Variants in BBX observed in about 807,000 individuals in gnomAD.
BBX encodes BBX high mobility group box domain containing.
A neutral mutation model predicts 100.2 loss-of-function variants in BBX; 30 were observed. The observed-to-expected ratio is 0.30, with a 90% CI of 0.22 to 0.41. The LOEUF is 0.41. BBX is among the 10% of genes least tolerant of loss of function. BBX has a pLI of 1.00. For synonymous variants in BBX, 376 were observed against 388.1 expected, an observed-to-expected ratio of 0.97 and a Z score of 0.37; for missense variants, 1,023 against 1,129.8, an observed-to-expected ratio of 0.91 and a Z score of 1.35.
rs557669822 is a variant in BBX, at chr3:107,538,792, C to CT, written c.-84+12405dup. On this transcript the variant is annotated intron_variant, in intron 2 of 17. Transcript: ENST00000325805. Reference sequence around the variant, plus strand: ...TAATCATTGTGTGAAGAGGAATCATCTTTTTTTTTTTAGGCAAGGTCTTAC... The same window carrying CT: ...TAATCATTGTGTGAAGAGGAATCATCTTTTTTTTTTTTAGGCAAGGTCTTAC... Among the ~76,000 whole-genome samples, 325 of 144,982 alleles carry CT rather than the reference C, an allele frequency of 2.2e-3. 4 individuals are homozygous for CT. Among genetic ancestry groups the CT allele is most frequent in the Admixed American group, 0.017 (239 of 14,428 alleles).
chr3:107,697,004 T>C (rs534323710), intron 3 of BBX, among the ~76,000 whole-genome samples: 21 of 152,050 alleles, frequency 1.4e-4, no homozygotes, highest in Admixed American at 4.6e-4. Context: ...TCCTGAGACT[T>C]CTGCATTCTT....
At chr3:107,721,500 C>G (rs1341515313) in intron 5 of BBX, among the ~76,000 whole-genome samples, 2 of 151,816 alleles carry the variant, frequency 1.3e-5, no homozygotes, top group Non-Finnish European at 2.9e-5. Context: ...AATTAGGGGC[C>G]CCACCACATT....
intron 8 of BBX, 47 bp downstream of exon 8, chr3:107,744,757 G>A: frequency 6.7e-7 from 1 of 1,484,046 alleles, no homozygotes; most frequent in Non-Finnish European, 9.4e-7. Flanking sequence ...ATTGTAAAGT[G>A]GGCTTAAATT....
intron 2 of BBX, among the ~76,000 whole-genome samples, chr3:107,591,477 ATATTT>A (rs2053307221): frequency 6.6e-6 from 1 of 151,890 alleles, no homozygotes; most frequent in Non-Finnish European, 1.5e-5. Context: ...AAAGGGGGAG[ATATTT>A]TATGTTGTGT....
intron 3 of BBX, among the ~76,000 whole-genome samples, chr3:107,666,440 AT>A (rs2058745814): frequency 6.6e-6 from 1 of 152,234 alleles, no homozygotes. Flanking sequence ...CAGGAGAAAA[AT>A]TTTACAACTA....
chr3:107,711,766 G>A (rs2061736941), intron 4 of BBX, among the ~76,000 whole-genome samples: 2 of 152,098 alleles, frequency 1.3e-5, no homozygotes, highest in African/African-American at 4.8e-5. Context: ...AAACACATTT[G>A]CATGTGTTGA....
At position 107,570,779 on chromosome 3, in the gene BBX, C is replaced by A. The variant is rs544176913; in HGVS notation, c.-84+44381C>A. Among the ~76,000 whole-genome samples, 4 of 151,956 alleles carry A rather than the reference C, an allele frequency of 2.6e-5. No homozygotes were observed. The South Asian group carries it at 8.3e-4, about 32-fold the overall frequency. On this transcript the variant is annotated intron_variant, in intron 2 of 17. Transcript: ENST00000325805. The stretch of plus-strand genomic sequence containing the variant: ...GATGGGTCTGCAGAAAAGGAGGATT[C>A]AAAGGACTCAAGAGTTTGGGGTGGA...
In BBX at chr3:107,606,714, A is replaced by C. The variant is rs902378777; in HGVS notation, c.-83-39122A>C. Among the ~76,000 whole-genome samples the C allele has an allele frequency of 6.6e-5, 10 of 152,112 alleles. 1 individual carries two copies. On this transcript the variant is annotated intron_variant, in intron 2 of 17. Coordinates refer to ENST00000325805, the MANE Select transcript of BBX (RefSeq NM_001142568.3). The stretch of plus-strand genomic sequence containing the variant: ...TTTATGGAGTATGTGGGATATTTTG[A>C]TACAGGCACACAATGTATAATAATC...
At chr3:107,798,844 A>C (rs535202705) in intron 16 of BBX, 124 bp downstream of exon 16, 22 of 1,087,780 alleles carry the variant, frequency 2.0e-5, no homozygotes, top group Middle Eastern at 2.9e-4. Flanking sequence ...CTAAAAAAAA[A>C]AAAAAACAAA....
At chr3:107,633,998 C>T (rs2056706386) in intron 2 of BBX, among the ~76,000 whole-genome samples, 1 of 152,178 alleles carries the variant, frequency 6.6e-6, no homozygotes, top group African/African-American at 2.4e-5. Context: ...TCTTGCTAGC[C>T]AGCTACTTCA....
At chr3:107,583,983 AT>A (rs1293857482) in intron 2 of BBX, among the ~76,000 whole-genome samples, 10 of 69,976 alleles carry the variant, frequency 1.4e-4, no homozygotes, top group Admixed American at 2.4e-4. Flanking sequence ...TTATTATATT[AT>A]TATATATTAT....
chr3:107,672,581 T>C (rs913702131), intron 3 of BBX, among the ~76,000 whole-genome samples: 1 of 152,048 alleles, frequency 6.6e-6, no homozygotes, highest in African/African-American at 2.4e-5. Flanking sequence ...TAGGGAATGG[T>C]AAAAGAAAGC....
chr3:107,621,276 G>T (rs563961033), intron 2 of BBX, among the ~76,000 whole-genome samples: 2 of 152,146 alleles, frequency 1.3e-5, no homozygotes, highest in African/African-American at 4.8e-5. Context: ...GTTCGAAGTT[G>T]CAGATATGTG....
In BBX at chr3:107,645,065, T is replaced by G. The variant is rs147538966; in HGVS notation, c.-83-771T>G. ...TTAGAAGAAATATATTGTCATAATCTGCCTAGAGCAGGGAATTGCTTCTTT... is the reference window on the plus strand; with the variant it reads ...TTAGAAGAAATATATTGTCATAATCGGCCTAGAGCAGGGAATTGCTTCTTT... On this transcript the variant is annotated intron_variant, in intron 2 of 17. Transcript: ENST00000325805. Among the ~76,000 whole-genome samples, 3 of 152,328 alleles carry G rather than the reference T, an allele frequency of 2.0e-5. No individual in the cohort carries two copies. The East Asian group carries it at 5.8e-4, about 29-fold the overall frequency.
chr3:107,730,033 G>A (rs985533262), intron 6 of BBX, among the ~76,000 whole-genome samples: 5 of 152,136 alleles, frequency 3.3e-5, no homozygotes, highest in Non-Finnish European at 5.9e-5. Flanking sequence ...GCTGCAGTGA[G>A]CTGTGACCTC....
At chr3:107,680,252 A>G (rs2059501234) in intron 3 of BBX, among the ~76,000 whole-genome samples, 1 of 152,180 alleles carries the variant, frequency 6.6e-6, no homozygotes, top group Admixed American at 6.6e-5. Context: ...GATGGCATAA[A>G]TGAACACATC....
chr3:107,752,691 C>T (rs1185724703), intron 9 of BBX, among the ~76,000 whole-genome samples: 1 of 152,156 alleles, frequency 6.6e-6, no homozygotes, highest in Non-Finnish European at 1.5e-5. Flanking sequence ...TGGATGAATA[C>T]TGTTTATCCA....
chr3:107,674,000 G>A (rs907527154), intron 3 of BBX, among the ~76,000 whole-genome samples: 1 of 152,024 alleles, frequency 6.6e-6, no homozygotes, highest in Non-Finnish European at 1.5e-5. Context: ...GCCACAAAAT[G>A]TAAAATTAAT....
At chr3:107,621,732 A>T (rs1024846598) in intron 2 of BBX, among the ~76,000 whole-genome samples, 1 of 152,172 alleles carries the variant, frequency 6.6e-6, no homozygotes, top group Non-Finnish European at 1.5e-5. Context: ...TAAAGCAGGA[A>T]GCATATTGGG....
Sources: allele counts gnomAD v4.1 joint callset (sites outside exome capture counted in the v4.1 genomes callset), GRCh38; gene constraint gnomAD v4.1.1; transcripts MANE v1.5; gene names NCBI Gene and HGNC (gene_info 2026-07-23, HGNC 2026-07-21).